CACNA2D3: variants seen among roughly 807,000 people sequenced by gnomAD.
The protein encoded by CACNA2D3 is voltage-dependent calcium channel subunit alpha-2/delta-3.
Under a neutral mutation model 160.6 loss-of-function variants are expected in CACNA2D3, and 60 were observed. The observed-to-expected ratio is 0.37, with a 90% confidence interval of 0.30 to 0.46. The LOEUF is 0.46. Ranked by LOEUF, CACNA2D3 falls within the 20% of genes least tolerant of loss-of-function variation. CACNA2D3 has a pLI of 1.00. For synonymous variants in CACNA2D3, 558 were observed against 492.9 expected, an observed-to-expected ratio of 1.13 and a Z score of -1.75; for missense variants, 1,205 against 1,365.0, an observed-to-expected ratio of 0.88 and a Z score of 1.85.
intron 21 of CACNA2D3, among the ~76,000 whole-genome samples, chr3:54,884,467 G>A (rs988609558): frequency 2.4e-4 from 37 of 152,212 alleles, no homozygotes; most frequent in Non-Finnish European, 4.4e-4. Flanking sequence ...GGAGTCCTGA[G>A]TGCAGTAAGA....
chr3:55,055,055 A>G (rs537006435), intron 35 of CACNA2D3, among the ~76,000 whole-genome samples: 1 of 152,200 alleles, frequency 6.6e-6, no homozygotes, highest in Admixed American at 6.5e-5. Context: ...TTTAACTTTT[A>G]GAGTTTAAAC....
At chr3:54,272,124 A>G (rs1468480013) in intron 2 of CACNA2D3, among the ~76,000 whole-genome samples, 1 of 152,124 alleles carries the variant, frequency 6.6e-6, no homozygotes, top group Non-Finnish European at 1.5e-5. Flanking sequence ...TCCATGGGCT[A>G]CAGCTGGACA....
At chr3:54,742,213 G>C (rs1701664530) in intron 11 of CACNA2D3, among the ~76,000 whole-genome samples, 1 of 152,102 alleles carries the variant, frequency 6.6e-6, no homozygotes, top group Admixed American at 6.5e-5. Flanking sequence ...GAGCCCAGGA[G>C]TTCAAGACCA....
chr3:54,899,785 C>T lies in CACNA2D3; in HGVS notation c.2369-3C>T. 6.2e-7 allele frequency: 1 copy of T among 1,602,784 alleles called. No homozygotes were observed. The highest frequency in any genetic ancestry group is 8.5e-7 in the Non-Finnish European group (1 of 1,173,346). The stretch of plus-strand genomic sequence containing the variant: ...TTTGTTGTGGTGTTTTTTCTTTTCA[C>T]AGGACCAGTCAATAAAAGCAATGTG... On this transcript the variant is annotated splice_polypyrimidine_tract_variant and splice_region_variant and intron_variant, in intron 26 of 37. Transcript: ENST00000474759.
intron 9 of CACNA2D3, among the ~76,000 whole-genome samples, chr3:54,596,781 C>T (rs1025680694): frequency 9.2e-5 from 14 of 152,124 alleles, no homozygotes; most frequent in African/African-American, 2.2e-4. Context: ...TTCTCTGGAA[C>T]GCGCTGTTTC....
rs1553814019 is a variant in CACNA2D3 at position 54,736,031 on chromosome 3, A to ATG, written c.1168-16567_1168-16566insGT. ...TGTATATATATACACATACATATAT[A>ATG]TATGTATATATATACACATACATAT... On this transcript the variant is annotated intron_variant, in intron 11 of 37. Transcript: ENST00000474759. Among the ~76,000 whole-genome samples, 11 of 61,688 alleles carry ATG rather than the reference A, an allele frequency of 1.8e-4. 1 individual carries two copies. The highest frequency in any genetic ancestry group is 4.3e-4 in the African/African-American group (7 of 16,308). 40.5% of individuals were successfully genotyped at this position (61,688 alleles called of 152,430 possible).
At chr3:54,375,624 G>T (rs1005524996) in intron 3 of CACNA2D3, among the ~76,000 whole-genome samples, 20 of 152,166 alleles carry the variant, frequency 1.3e-4, no homozygotes, top group Non-Finnish European at 1.5e-4. Flanking sequence ...CAGGATCTGA[G>T]GGTACTGGGC....
chr3:54,961,984 G>T (rs1466065968), intron 27 of CACNA2D3, among the ~76,000 whole-genome samples: 1 of 152,188 alleles, frequency 6.6e-6, no homozygotes, highest in East Asian at 1.9e-4. Flanking sequence ...ATCGTGAGGG[G>T]ACTGAGCGTG....
intron 13 of CACNA2D3, among the ~76,000 whole-genome samples, chr3:54,805,222 A>G (rs990261034): frequency 7.9e-5 from 12 of 152,230 alleles, no homozygotes; most frequent in African/African-American, 2.7e-4. Flanking sequence ...TGAAGGAAAT[A>G]GAGACACAAA....
At chr3:54,587,067 T>C (rs1407431571) in intron 9 of CACNA2D3, among the ~76,000 whole-genome samples, 2 of 152,042 alleles carry the variant, frequency 1.3e-5, no homozygotes, top group African/African-American at 4.8e-5. Flanking sequence ...ATTTAAGTTC[T>C]CTAATAATTG....
At chr3:54,195,798 G>A (rs1422664841) in intron 2 of CACNA2D3, among the ~76,000 whole-genome samples, 1 of 152,204 alleles carries the variant, frequency 6.6e-6, no homozygotes, top group Non-Finnish European at 1.5e-5. Flanking sequence ...CCTTCAGTGT[G>A]TACAGCAGCC....
intron 31 of CACNA2D3, among the ~76,000 whole-genome samples, chr3:54,995,184 G>T (rs1048744084): frequency 1.3e-5 from 2 of 152,080 alleles, no homozygotes; most frequent in Non-Finnish European, 2.9e-5. Context: ...ATGTTGGTCA[G>T]GCTGGTCTTG....
At chr3:54,149,930 T>TCC (rs1333739225) in intron 2 of CACNA2D3, among the ~76,000 whole-genome samples, 3 of 40,428 alleles carry the variant, frequency 7.4e-5, no homozygotes, top group Admixed American at 4.7e-4. Flanking sequence ...TCTCTCTCTC[T>TCC]CCCTCCCTCC....
intron 5 of CACNA2D3, among the ~76,000 whole-genome samples, chr3:54,510,130 GATGGATGGATGA>G (rs890391954): frequency 6.6e-5 from 10 of 152,038 alleles, no homozygotes; most frequent in South Asian, 2.1e-4. Context: ...TGCATAGGTA[GATGGATGGATGA>G]ATGGATGGAT....
At chr3:54,978,145 G>C (rs186066332) in intron 29 of CACNA2D3, among the ~76,000 whole-genome samples, 6 of 152,194 alleles carry the variant, frequency 3.9e-5, no homozygotes, top group Admixed American at 2.0e-4. Context: ...AGATCTTTAT[G>C]ACCTGTATCT....
At chr3:54,704,745 T>C (rs903900503) in intron 11 of CACNA2D3, among the ~76,000 whole-genome samples, 4 of 152,144 alleles carry the variant, frequency 2.6e-5, no homozygotes, top group African/African-American at 9.7e-5. Context: ...TCCTTCCTAT[T>C]GTTTAAAATC....
rs770265263 is a variant in CACNA2D3, at chr3:54,386,686, T to C, written c.322-29T>C. 8 of 1,514,366 alleles carry C rather than the reference T, an allele frequency of 5.3e-6. No individual in the cohort carries two copies. In the African/African-American group the frequency reaches 8.7e-5, roughly 16 times the overall value. 93.8% of individuals were successfully genotyped at this position (1,514,366 alleles called of 1,614,324 possible). ...AGGCCACAATTCTGATCCTTAATGC[T>C]GTCTTCTGTTTTTTTTTTTTTTTTT... On this transcript the variant is annotated intron_variant, in intron 3 of 37. Coordinates refer to ENST00000474759, the MANE Select transcript of CACNA2D3 (RefSeq NM_018398.3).
At chr3:54,962,903 A>C (rs1702065735) in intron 27 of CACNA2D3, among the ~76,000 whole-genome samples, 1 of 152,162 alleles carries the variant, frequency 6.6e-6, no homozygotes, top group Non-Finnish European at 1.5e-5. Flanking sequence ...CCCCACAGGA[A>C]ATTATTTCTA....
rs1559634964 is a variant in CACNA2D3 at position 54,931,625 on chromosome 3, TC to T, written c.2449+31760del. Among the ~76,000 whole-genome samples, 3 of 152,298 alleles carry T rather than the reference TC, an allele frequency of 2.0e-5. No individual in the cohort carries two copies. The South Asian group carries it at 6.2e-4, about 32-fold the overall frequency. On this transcript the variant is annotated intron_variant, in intron 27 of 37. Transcript: ENST00000474759. Reference sequence around the variant, plus strand: ...CCCAAGACCTGCCAGGACCCCAGGTTCCCACATGGGAGCTAGCTGCAGATGC... The same window carrying T: ...CCCAAGACCTGCCAGGACCCCAGGTTCCACATGGGAGCTAGCTGCAGATGC...
Sources: gnomAD v4.1 joint callset for allele counts (sites outside exome capture counted in the v4.1 genomes callset) on GRCh38, gnomAD v4.1.1 for gene constraint, MANE v1.5 for transcripts, NCBI Gene and HGNC (gene_info 2026-07-23, HGNC 2026-07-21) for gene names.